TCF20: variants seen among roughly 807,000 people sequenced by gnomAD.
TCF20 encodes SPRE-binding protein.
TCF20 carries 3 observed loss-of-function variants against 148.6 expected under a neutral mutation model. The observed-to-expected ratio is 0.02, with a 90% confidence interval of 0.01 to 0.05. The LOEUF is 0.05. TCF20 is among the 10% of genes least tolerant of loss of function. The pLI, the probability that TCF20 is intolerant of heterozygous loss-of-function variation, is 1.00. For missense variants in TCF20, 2,350 were observed against 2,429.3 expected (o/e 0.97, Z 0.69); for synonymous variants, 1,049 against 909.5 (o/e 1.15, Z -2.76).
chr22:42,253,245 CAT>C (rs1425472014), intron 1 of TCF20, among the ~76,000 whole-genome samples: 4 of 152,192 alleles, frequency 2.6e-5, no homozygotes, highest in Admixed American at 6.5e-5. Flanking sequence ...AAATCAGATA[CAT>C]GAGTTCTACA....
At chr22:42,182,212 G>A (rs1229586830) in intron 2 of TCF20, among the ~76,000 whole-genome samples, 1 of 152,170 alleles carries the variant, frequency 6.6e-6, no homozygotes, top group East Asian at 1.9e-4. Context: ...CTGGTAAGTG[G>A]CTCCACTTTC....
At chr22:42,239,755 C>A (rs2147305391) in intron 1 of TCF20, among the ~76,000 whole-genome samples, 1 of 152,224 alleles carries the variant, frequency 6.6e-6, no homozygotes, top group African/African-American at 2.4e-5. Context: ...CCACTTCACT[C>A]CAGTGCAGCT....
At chr22:42,328,733 A>G (rs1373057961) in intron 1 of TCF20, among the ~76,000 whole-genome samples, 1 of 152,254 alleles carries the variant, frequency 6.6e-6, no homozygotes, top group East Asian at 1.9e-4. Flanking sequence ...GCACACGGTC[A>G]GGGCTCAGCA....
chr22:42,179,527 A>C, intron 3 of TCF20, 82 bp downstream of exon 3: 1 of 1,023,148 alleles, frequency 9.8e-7, no homozygotes, highest in Admixed American at 2.6e-5. Context: ...GAAAAGAAAA[A>C]AAACAACGAC....
At chr22:42,325,996 A>G (rs1396190752) in intron 1 of TCF20, among the ~76,000 whole-genome samples, 10 of 152,032 alleles carry the variant, frequency 6.6e-5, no homozygotes, top group Admixed American at 3.9e-4. Flanking sequence ...TTGTCACAGG[A>G]CATCTGGCCT....
chr22:42,324,509 AT>A (rs1315697684), intron 1 of TCF20, among the ~76,000 whole-genome samples: 6 of 152,080 alleles, frequency 3.9e-5, no homozygotes, highest in African/African-American at 1.4e-4. Flanking sequence ...AATCTCCACC[AT>A]CCGATAAAAT....
intron 1 of TCF20, among the ~76,000 whole-genome samples, chr22:42,268,522 T>C (rs764010592): frequency 1.3e-5 from 2 of 152,228 alleles, no homozygotes; most frequent in Non-Finnish European, 2.9e-5. Flanking sequence ...ACTCTGAGAA[T>C]GCTGAAACTG....
intron 2 of TCF20, among the ~76,000 whole-genome samples, chr22:42,208,047 C>G (rs1401328672): frequency 1.3e-5 from 2 of 152,074 alleles, no homozygotes; most frequent in African/African-American, 2.4e-5. Context: ...AAAAACTTAG[C>G]CAGGTGTACT....
chr22:42,227,829 C>T (rs1213726369), intron 1 of TCF20, among the ~76,000 whole-genome samples: 2 of 152,182 alleles, frequency 1.3e-5, no homozygotes, highest in African/African-American at 2.4e-5. Context: ...CTTCCCAGGA[C>T]ATTGCATAAG....
At chr22:42,284,583 G>A (rs1351558484), upstream of TCF20, among the ~76,000 whole-genome samples, 1 of 152,230 alleles carries the variant, frequency 6.6e-6, no homozygotes, top group Non-Finnish European at 1.5e-5. Context: ...GGCAGCTCCA[G>A]GGCTAAAGCC....
intron 1 of TCF20, among the ~76,000 whole-genome samples, chr22:42,229,749 G>T (rs1923232040): frequency 6.6e-6 from 1 of 152,156 alleles, no homozygotes; most frequent in South Asian, 2.1e-4. Flanking sequence ...AAGGCCATTT[G>T]GCTTCCTCAC....
intron 1 of TCF20, among the ~76,000 whole-genome samples, chr22:42,324,274 A>G (rs914529006): frequency 2.7e-5 from 4 of 148,268 alleles, no homozygotes; most frequent in Non-Finnish European, 1.5e-5. Flanking sequence ...GGAACAAAGG[A>G]AAGAGGGTGT....
chr22:42,294,124 C>A (rs1027246369), intron 1 of TCF20, among the ~76,000 whole-genome samples: 1 of 152,156 alleles, frequency 6.6e-6, no homozygotes, highest in Non-Finnish European at 1.5e-5. Context: ...AACATCCCCG[C>A]AGGGCCAGCC....
intron 1 of TCF20, among the ~76,000 whole-genome samples, chr22:42,302,786 A>T (rs1927361025): frequency 6.6e-6 from 1 of 152,182 alleles, no homozygotes; most frequent in South Asian, 2.1e-4. Context: ...GTTCCGGAAC[A>T]ATTTCTTTAC....
chr22:42,312,700 C>G (rs914828603), intron 1 of TCF20, among the ~76,000 whole-genome samples: 7 of 152,158 alleles, frequency 4.6e-5, no homozygotes, highest in Admixed American at 4.6e-4. Context: ...GGTCACCCCC[C>G]ATCCCTGCTG....
Position 42,310,474 on chromosome 22 carries a change from G to A in TCF20, c.-37+33005C>T, listed in dbSNP as rs953884070. Among the ~76,000 whole-genome samples the A allele has an allele frequency of 4.6e-5, 7 of 151,922 alleles. 1 individual carries two copies. The South Asian group carries it at 1.0e-3, about 23-fold the overall frequency. ...GAGTAAGTGGTGCTAAGAGACTGTC[G>A]ACAATAACAGGAATCCAGCCAGGGG... On this transcript the variant is annotated intron_variant, in intron 1 of 1. Transcript: ENST00000515426.
At chr22:42,193,133 G>A (rs1302688553) in intron 2 of TCF20, among the ~76,000 whole-genome samples, 1 of 151,878 alleles carries the variant, frequency 6.6e-6, no homozygotes, top group African/African-American at 2.4e-5. Flanking sequence ...TACTCAGCAA[G>A]AGTACAATCC....
intron 1 of TCF20, among the ~76,000 whole-genome samples, chr22:42,305,267 G>T (rs1011273789): frequency 6.6e-6 from 1 of 152,134 alleles, no homozygotes; most frequent in Admixed American, 6.5e-5. Context: ...ACTAGGCAGT[G>T]ATTGACTACT....
intron 1 of TCF20, among the ~76,000 whole-genome samples, chr22:42,249,965 A>C (rs1284799523): frequency 6.6e-6 from 1 of 152,090 alleles, no homozygotes; most frequent in Non-Finnish European, 1.5e-5. Context: ...TGTGTTCATC[A>C]AAACGTAGAA....
Sources: gnomAD v4.1 joint callset for allele counts (sites outside exome capture counted in the v4.1 genomes callset) on GRCh38, gnomAD v4.1.1 for gene constraint, MANE v1.5 for transcripts, NCBI Gene and HGNC (gene_info 2026-07-23, HGNC 2026-07-21) for gene names.